The following NTRK3 variants were observed in gnomAD, a reference collection of about 807,000 sequenced individuals.
The protein encoded by NTRK3 is neurotrophic receptor tyrosine kinase 3, also known as NT-3 growth factor receptor.
A neutral mutation model predicts 91.7 loss-of-function variants in NTRK3; 24 were observed. The ratio of observed to expected loss-of-function variants is 0.26; its 90% CI spans 0.19 to 0.37. The LOEUF (loss-of-function observed/expected upper bound fraction) is 0.37. NTRK3 is among the 10% of genes least tolerant of loss of function. NTRK3 has a pLI of 1.00. For missense variants in NTRK3, 880 were observed against 1,068.9 expected, an observed-to-expected ratio of 0.82 and a Z score of 2.46; for synonymous variants, 483 against 404.0, an observed-to-expected ratio of 1.20 and a Z score of -2.34.
In NTRK3 at chr15:87,870,650, A is replaced by G. The variant is rs148658538; in HGVS notation, c.*6285T>C. ...AAGACTGTCAGAGTACACCGTAAGT[A>G]TTTGAGCTCTCAATCTACCTTTGGC... On this transcript the variant is annotated 3_prime_UTR_variant, in exon 19 of 19. Transcript: ENST00000394480. The G allele has an allele frequency of 6.9e-3, 1,491 of 216,290 alleles. 8 individuals are homozygous for G. The highest frequency in any genetic ancestry group is 0.011 in the Non-Finnish European group (1,176 of 107,252). 13.4% of individuals were successfully genotyped at this position (216,290 alleles called of 1,614,324 possible).
rs1202589173 is a variant in NTRK3 at position 88,082,276 on chromosome 15, T to A, written c.1396+43995A>T. Among the ~76,000 whole-genome samples, 6 of 122,986 alleles carry A rather than the reference T, an allele frequency of 4.9e-5. No homozygotes were observed. The East Asian group carries it at 1.2e-3, about 24-fold the overall frequency. The allele number at this position is 122,986 out of a possible 152,430, so 80.7% of individuals were successfully genotyped here. On this transcript the variant is annotated intron_variant, in intron 13 of 18. Coordinates refer to ENST00000394480, the Ensembl canonical transcript of NTRK3. ...CTGGGTGACAAAGTGAGACTCTGTC[T>A]CAAAAAAAAAAAAAAAAAAGAGGTT...
chr15:87,879,107 T>C (rs2065102775), intron 18 of NTRK3, among the ~76,000 whole-genome samples: 1 of 152,184 alleles, frequency 6.6e-6, no homozygotes, highest in Non-Finnish European at 1.5e-5. Flanking sequence ...AGCTTGTGAA[T>C]CATGAGATAG....
At chr15:88,086,813 G>C (rs1001104891) in intron 13 of NTRK3, among the ~76,000 whole-genome samples, 1 of 152,228 alleles carries the variant, frequency 6.6e-6, no homozygotes, top group South Asian at 2.1e-4. Context: ...GCAGTTGTGT[G>C]GTGGATGACC....
At chr15:88,050,308 T>C (rs936192173) in intron 13 of NTRK3, among the ~76,000 whole-genome samples, 3 of 152,158 alleles carry the variant, frequency 2.0e-5, no homozygotes, top group African/African-American at 4.8e-5. Context: ...CACATTACAA[T>C]CCTTAAGCTA....
chr15:87,932,125 A>G (rs8041239), intron 16 of NTRK3, among the ~76,000 whole-genome samples: 41,116 of 152,026 alleles, frequency 0.27, 6,844 homozygotes, highest in African/African-American at 0.47. Flanking sequence ...TGGGAAGGGA[A>G]AGCCACCCTT....
At chr15:87,971,891 A>C (rs540478902) in intron 14 of NTRK3, among the ~76,000 whole-genome samples, 4 of 152,348 alleles carry the variant, frequency 2.6e-5, no homozygotes, top group African/African-American at 4.8e-5. Context: ...TTTTGACCAA[A>C]GGCTATTGCA....
At chr15:87,878,961 C>G (rs1362966409) in intron 18 of NTRK3, among the ~76,000 whole-genome samples, 2 of 150,910 alleles carry the variant, frequency 1.3e-5, no homozygotes, top group African/African-American at 4.9e-5. Context: ...GTGTTCCTAA[C>G]CCTTCCTCCC....
chr15:88,199,025 T>G (rs1441012128), intron 3 of NTRK3, among the ~76,000 whole-genome samples: 3 of 152,128 alleles, frequency 2.0e-5, no homozygotes, highest in Admixed American at 1.3e-4. Flanking sequence ...CAAGTAACAC[T>G]TCATAGAGCA....
intron 13 of NTRK3, among the ~76,000 whole-genome samples, chr15:88,069,761 T>C (rs1567332623): frequency 6.6e-6 from 1 of 152,196 alleles, no homozygotes; most frequent in Non-Finnish European, 1.5e-5. Flanking sequence ...TCTCATTCTC[T>C]CCTTTAGTGT....
Position 87,953,926 on chromosome 15 carries a change from CT to C in NTRK3, c.1586-13174del, listed in dbSNP as rs139695823. On this transcript the variant is annotated intron_variant, in intron 14 of 18. Transcript: ENST00000394480. The stretch of plus-strand genomic sequence containing the variant: ...TAGCCCCCTTGCCCATCTGCCCCTC[CT>C]CCGTGCGGGTTATCGACCTCCATTG... Among the ~76,000 whole-genome samples the C allele has an allele frequency of 2.4e-3, 359 of 152,190 alleles. 3 individuals carry two copies. The highest frequency in any genetic ancestry group is 8.3e-3 in the African/African-American group (344 of 41,524).
chr15:88,189,418 C>CTTTTTTTTTTTT (rs10588011), intron 3 of NTRK3, among the ~76,000 whole-genome samples: 1 of 147,056 alleles, frequency 6.8e-6, no homozygotes, highest in Non-Finnish European at 1.5e-5. Context: ...ATTGCAATTC[C>CTTTTTTTTTTTT]TTTTTTTTTT....
At chr15:87,971,877 T>C (rs1035754954) in intron 14 of NTRK3, among the ~76,000 whole-genome samples, 7 of 152,228 alleles carry the variant, frequency 4.6e-5, no homozygotes, top group Non-Finnish European at 1.0e-4. Context: ...CAGGATTTCA[T>C]GACTTTTGAC....
At chr15:87,927,819 CTT>C (rs1472244810) in intron 17 of NTRK3, 2 of 152,178 alleles carry the variant, frequency 1.3e-5, no homozygotes, top group Admixed American at 1.3e-4. Flanking sequence ...GAGAAATAAA[CTT>C]CAGTTTTTTG....
At position 88,040,136 on chromosome 15, in the gene NTRK3, T is replaced by C. The variant is rs148513883; in HGVS notation, c.1397-7091A>G. ...AAGAATGTTAGCACAGGTCTTTGAA[T>C]AAATTTTGCTTCTAAGAGAAGTTAC... On this transcript the variant is annotated intron_variant, in intron 13 of 18. Transcript: ENST00000394480. Among the ~76,000 whole-genome samples, 729 of 152,366 alleles carry C rather than the reference T, an allele frequency of 4.8e-3. 7 individuals are homozygous for C. The highest frequency in any genetic ancestry group is 0.017 in the African/African-American group (702 of 41,584).
intron 13 of NTRK3, among the ~76,000 whole-genome samples, chr15:88,123,544 T>A (rs961150005): frequency 2.0e-5 from 3 of 152,206 alleles, no homozygotes; most frequent in Non-Finnish European, 4.4e-5. Context: ...AAGAGATTTA[T>A]TCCGAGCCAA....
intron 14 of NTRK3, among the ~76,000 whole-genome samples, chr15:87,972,007 T>C (rs1596470122): frequency 1.3e-5 from 2 of 152,216 alleles, no homozygotes; most frequent in East Asian, 3.9e-4. Flanking sequence ...GTAAGTGGTC[T>C]ATCAGAACTC....
chr15:88,178,928 G>C (rs991087694), intron 5 of NTRK3, among the ~76,000 whole-genome samples: 10 of 152,162 alleles, frequency 6.6e-5, no homozygotes, highest in African/African-American at 2.4e-4. Flanking sequence ...GTGAAAACCA[G>C]AGAGAAAAAA....
At chr15:88,210,625 G>A (rs901541503) in intron 3 of NTRK3, among the ~76,000 whole-genome samples, 5 of 152,184 alleles carry the variant, frequency 3.3e-5, no homozygotes, top group Admixed American at 6.5e-5. Context: ...AGGAGAGAGC[G>A]AACACCTGGA....
At chr15:87,868,682 G>A (rs759860152) in exon 19 of NTRK3, 7 of 219,598 alleles carry the variant, frequency 3.2e-5, no homozygotes, top group Non-Finnish European at 5.5e-5. Flanking sequence ...CAGAAAAGTT[G>A]CAATTTCAGC....
Sources: gnomAD v4.1 joint callset for allele counts (sites outside exome capture counted in the v4.1 genomes callset) on GRCh38, gnomAD v4.1.1 for gene constraint, MANE v1.5 for transcripts, NCBI Gene and HGNC (gene_info 2026-07-23, HGNC 2026-07-21) for gene names.